Variants in TPRG1 observed in about 807,000 individuals in gnomAD.
The protein encoded by TPRG1 is tumor protein p63 regulated 1.
In TPRG1, 29 loss-of-function variants were observed where a neutral mutation model predicts 29.3. The observed-to-expected ratio is 0.99, with a 90% CI of 0.74 to 1.35. The LOEUF (loss-of-function observed/expected upper bound fraction) is 1.35, where lower values mean the gene tolerates loss of function less well. Ranked by LOEUF, TPRG1 falls within the 40% of genes most tolerant of loss-of-function variation. The pLI is 0.00. For missense variants in TPRG1, 327 were observed against 335.0 expected (o/e 0.98, Z 0.19); for synonymous variants, 130 against 116.8 (o/e 1.11, Z -0.73).
intron 3 of TPRG1, among the ~76,000 whole-genome samples, chr3:189,136,438 A>G (rs1434453900): frequency 6.6e-6 from 1 of 152,178 alleles, no homozygotes; most frequent in Admixed American, 6.5e-5. Flanking sequence ...CTGAGTATCA[A>G]TGTCTTACAT....
chr3:189,265,910 T>C (rs1713990794), intron 4 of TPRG1, among the ~76,000 whole-genome samples: 1 of 152,206 alleles, frequency 6.6e-6, no homozygotes. Flanking sequence ...AGATGCGCAG[T>C]TCATCATTAG....
At chr3:189,069,558 G>A (rs888871054) in intron 4 of TPRG1, among the ~76,000 whole-genome samples, 1 of 151,994 alleles carries the variant, frequency 6.6e-6, no homozygotes, top group African/African-American at 2.4e-5. Context: ...TGCATCTAAA[G>A]GTATAATGAT....
chr3:189,125,816 TGTGTGTGTGTGTGTG>T, intron 1 of TPRG1, among the ~76,000 whole-genome samples: 2 of 16,364 alleles, frequency 1.2e-4, no homozygotes, highest in Non-Finnish European at 1.9e-4. Flanking sequence ...GGGTGTTTTG[TGTGTGTGTGTGTGTG>T]TGTGTGTGTG....
At chr3:189,162,797 G>C (rs1008018358) in intron 5 of TPRG1, among the ~76,000 whole-genome samples, 2 of 152,284 alleles carry the variant, frequency 1.3e-5, no homozygotes, top group East Asian at 1.9e-4. Context: ...ATCTCTCTCT[G>C]TGCCCAATTT....
intron 4 of TPRG1, among the ~76,000 whole-genome samples, chr3:189,075,315 A>G (rs1040977507): frequency 4.0e-5 from 6 of 151,814 alleles, no homozygotes; most frequent in African/African-American, 1.4e-4. Context: ...TTGTATTTTT[A>G]GTAGAGATGG....
intron 1 of TPRG1, among the ~76,000 whole-genome samples, chr3:189,177,000 C>T (rs1045232759): frequency 1.3e-5 from 2 of 152,120 alleles, no homozygotes; most frequent in East Asian, 3.8e-4. Flanking sequence ...GTGTTGAGAA[C>T]AGATGAGGAT....
upstream of TPRG1, among the ~76,000 whole-genome samples, chr3:189,170,001 A>G (rs1728619560): frequency 6.6e-6 from 1 of 152,170 alleles, no homozygotes; most frequent in Non-Finnish European, 1.5e-5. Flanking sequence ...CTGGAAACCT[A>G]ACGATAATTA....
intron 4 of TPRG1, among the ~76,000 whole-genome samples, chr3:189,288,476 T>A (rs1315469177): frequency 6.6e-6 from 1 of 152,236 alleles, no homozygotes; most frequent in Non-Finnish European, 1.5e-5. Context: ...GCTTGTTTTT[T>A]AAAGGTGCAA....
chr3:189,206,941 A>G (rs954842265), intron 1 of TPRG1, among the ~76,000 whole-genome samples: 3 of 152,264 alleles, frequency 2.0e-5, no homozygotes, highest in Admixed American at 6.5e-5. Flanking sequence ...TTCAGTTCTA[A>G]GTGCTCTTAT....
chr3:189,204,932 GTC>G (rs141862299), intron 1 of TPRG1, among the ~76,000 whole-genome samples: 9 of 135,160 alleles, frequency 6.7e-5, no homozygotes, highest in East Asian at 4.3e-4. Flanking sequence ...CTGTCTCTAT[GTC>G]TCTCTCTCTC....
intron 1 of TPRG1, among the ~76,000 whole-genome samples, chr3:189,111,928 G>A (rs904134983): frequency 4.6e-5 from 7 of 152,072 alleles, no homozygotes; most frequent in African/African-American, 1.4e-4. Context: ...TGATATTATC[G>A]TAACTCTTCT....
chr3:189,099,149 AC>A (rs1718898518), upstream of TPRG1, among the ~76,000 whole-genome samples: 1 of 151,942 alleles, frequency 6.6e-6, no homozygotes, highest in Non-Finnish European at 1.5e-5. Context: ...CCGACACCAC[AC>A]TTGGTCAGCT....
rs191011559 is a variant in TPRG1, at chr3:189,319,421, G to A, written c.634-1205G>A. Among the ~76,000 whole-genome samples the A allele has an allele frequency of 5.8e-3, 877 of 151,878 alleles. 10 individuals carry two copies. Among genetic ancestry groups the A allele is most frequent in the Non-Finnish European group, 9.5e-3 (646 of 67,936 alleles). ...GCTTTCTCAACTCAATAATAATATC[G>A]CTATCTACCCAGTTGCTCAGGCCAA... On this transcript the variant is annotated intron_variant, in intron 5 of 5. Coordinates refer to ENST00000345063, the MANE Select transcript of TPRG1 (RefSeq NM_198485.4).
chr3:189,230,180 T>C (rs959718204), intron 3 of TPRG1, among the ~76,000 whole-genome samples: 3 of 152,180 alleles, frequency 2.0e-5, no homozygotes, highest in African/African-American at 7.2e-5. Context: ...CCAGATTCTT[T>C]ACTTTTGTGT....
At chr3:189,048,221 C>T (rs557206622) in intron 4 of TPRG1, among the ~76,000 whole-genome samples, 140 of 152,334 alleles carry the variant, frequency 9.2e-4, no homozygotes, top group African/African-American at 3.2e-3. Context: ...ACTTCTTGTG[C>T]AGCTCCATCA....
chr3:189,279,092 T>C (rs1157906096), intron 4 of TPRG1, among the ~76,000 whole-genome samples: 1 of 152,250 alleles, frequency 6.6e-6, no homozygotes, highest in African/African-American at 2.4e-5. Context: ...CTGCTTCAAC[T>C]GCTAACTCTG....
chr3:189,153,289 C>T (rs1291314461), intron 5 of TPRG1, among the ~76,000 whole-genome samples: 1 of 152,110 alleles, frequency 6.6e-6, no homozygotes, highest in Non-Finnish European at 1.5e-5. Flanking sequence ...TTCACCTTCC[C>T]TAGAAGTAGA....
chr3:189,263,413 G>C (rs1348836465), intron 4 of TPRG1, among the ~76,000 whole-genome samples: 1 of 152,232 alleles, frequency 6.6e-6, no homozygotes, highest in Non-Finnish European at 1.5e-5. Flanking sequence ...GGACCTGCTA[G>C]ATCCCAAGAA....
At chr3:189,312,347 G>A (rs551111568) in intron 5 of TPRG1, among the ~76,000 whole-genome samples, 11 of 151,614 alleles carry the variant, frequency 7.3e-5, no homozygotes, top group East Asian at 3.9e-4. Context: ...GACTACAGGC[G>A]CCCGAAAACA....
Sources: gnomAD v4.1 joint callset for allele counts (sites outside exome capture counted in the v4.1 genomes callset) on GRCh38, gnomAD v4.1.1 for gene constraint, MANE v1.5 for transcripts, NCBI Gene and HGNC (gene_info 2026-07-23, HGNC 2026-07-21) for gene names.